The following CBR4 variants were observed in gnomAD, a reference collection of about 807,000 sequenced individuals.
CBR4 encodes carbonyl reductase 4.
In CBR4, 22 loss-of-function variants were observed where a neutral mutation model predicts 21.0. That is an observed-to-expected ratio of 1.05 (90% CI 0.75 to 1.50). The LOEUF (loss-of-function observed/expected upper bound fraction) is 1.50, where lower values mean the gene tolerates loss of function less well. Among genes scored for constraint, CBR4 ranks in the 40% most tolerant of loss-of-function variants. CBR4 has a pLI of 0.00. For missense variants in CBR4, 302 were observed against 286.3 expected, an observed-to-expected ratio of 1.05 and a Z score of -0.40; for synonymous variants, 100 against 104.4, an observed-to-expected ratio of 0.96 and a Z score of 0.26.
intron 2 of CBR4, among the ~76,000 whole-genome samples, chr4:168,974,981 T>C (rs946662384): frequency 6.6e-6 from 1 of 152,176 alleles, no homozygotes; most frequent in Non-Finnish European, 1.5e-5. Context: ...TTAAAGAATC[T>C]TGTTTTGTCA....
At chr4:168,964,401 C>T (rs1367398216) in intron 2 of CBR4, among the ~76,000 whole-genome samples, 3 of 152,138 alleles carry the variant, frequency 2.0e-5, no homozygotes, top group Non-Finnish European at 2.9e-5. Flanking sequence ...AAAATAAAGA[C>T]GACCTTCAAT....
rs144643092 is a variant in CBR4, at chr4:168,968,374, C to A, written n.169+33697G>T. 2.7e-3 allele frequency among the ~76,000 whole-genome samples: 406 copies of A among 152,284 alleles called. 2 individuals are homozygous for A. The highest frequency in any genetic ancestry group is 9.2e-3 in the African/African-American group (381 of 41,548). On this transcript the variant is annotated intron_variant and non_coding_transcript_variant, in intron 2 of 3. Coordinates refer to the CBR4 transcript ENST00000509108. The stretch of plus-strand genomic sequence containing the variant: ...CATGATGTTTCACTGAACGTCCAGG[C>A]AATCAAGGTCCCTTTGGACTATACT...
chr4:168,989,648 CT>C lies in CBR4; in HGVS notation c.*501del. The C allele has an allele frequency of 4.1e-6, 4 of 984,612 alleles. No individual in the cohort carries two copies. The highest frequency in any genetic ancestry group is 4.8e-6 in the Non-Finnish European group (4 of 829,200). 61.0% of individuals were successfully genotyped at this position (984,612 alleles called of 1,614,324 possible). A position where few individuals can be genotyped will look rare whatever the true frequency, so the allele number is the denominator to read the frequency against. ...CAAGGTTAACTTTTAGAAAATTCAG[CT>C]TGATACAAGAAAATAATTCATCATA... On this transcript the variant is annotated 3_prime_UTR_variant, in exon 5 of 5. Transcript: ENST00000306193.
At chr4:168,918,633 A>G (rs1197847234) in intron 2 of CBR4, among the ~76,000 whole-genome samples, 2 of 152,182 alleles carry the variant, frequency 1.3e-5, no homozygotes, top group Non-Finnish European at 2.9e-5. Context: ...ACTATAGTTA[A>G]TAACGATGTA....
At chr4:168,929,407 TTG>T (rs1762895465) in intron 2 of CBR4, among the ~76,000 whole-genome samples, 1 of 152,248 alleles carries the variant, frequency 6.6e-6, no homozygotes, top group African/African-American at 2.4e-5. Flanking sequence ...TAGACTAGAA[TTG>T]TGTATTTCAC....
intron 2 of CBR4, among the ~76,000 whole-genome samples, chr4:168,956,956 A>G (rs916758367): frequency 6.6e-6 from 1 of 152,242 alleles, no homozygotes; most frequent in Non-Finnish European, 1.5e-5. Context: ...GATGAGTAGT[A>G]TAAGACATCA....
In CBR4 at chr4:168,901,673, T is replaced by A. The variant is rs147592430; in HGVS notation, n.170-6908A>T. On this transcript the variant is annotated intron_variant and non_coding_transcript_variant, in intron 2 of 3. Coordinates refer to the CBR4 transcript ENST00000509108. ...AGGAGTTTAAGAACAGCCTGGCCAA[T>A]ATTGTGAAACCCCATCTCTACTAAA... Among the ~76,000 whole-genome samples the A allele has an allele frequency of 1.9e-4, 29 of 151,982 alleles. No individual in the cohort carries two copies. In the East Asian group the frequency reaches 5.6e-3, roughly 29 times the overall value.
At chr4:168,906,774 G>C (rs1487155301) in intron 2 of CBR4, among the ~76,000 whole-genome samples, 1 of 151,944 alleles carries the variant, frequency 6.6e-6, no homozygotes, top group African/African-American at 2.4e-5. Flanking sequence ...ACAAGCGTGA[G>C]CCACTGCCAT....
chr4:168,923,112 C>T (rs1388473675), intron 2 of CBR4, among the ~76,000 whole-genome samples: 1 of 152,196 alleles, frequency 6.6e-6, no homozygotes, highest in African/African-American at 2.4e-5. Flanking sequence ...GTTATTCTTA[C>T]TGATGAGTTG....
intron 2 of CBR4, chr4:168,898,691 G>T: frequency 6.2e-7 from 1 of 1,613,752 alleles, no homozygotes; most frequent in Non-Finnish European, 8.5e-7. Flanking sequence ...CACATGTAGA[G>T]TGGCTGGAAA....
chr4:168,952,347 T>C (rs1463861851), intron 2 of CBR4, among the ~76,000 whole-genome samples: 1 of 152,210 alleles, frequency 6.6e-6, no homozygotes, highest in East Asian at 1.9e-4. Flanking sequence ...TTTCCTTGCA[T>C]TGGGCTTCAC....
At position 168,963,732 on chromosome 4, in the gene CBR4, A is replaced by G. The variant is rs140857235; in HGVS notation, n.169+38339T>C. ...TGATCTGCCCACCTCAGCCTCCCAA[A>G]GTGGTGGGAGGCATGAGCCACCGCG... On this transcript the variant is annotated intron_variant and non_coding_transcript_variant, in intron 2 of 3. Transcript: ENST00000509108. Among the ~76,000 whole-genome samples the G allele has an allele frequency of 1.7e-3, 252 of 151,982 alleles. 2 individuals carry two copies. In the East Asian group the frequency reaches 0.036, roughly 22 times the overall value.
chr4:168,905,790 C>CTT (rs59427697), intron 2 of CBR4, among the ~76,000 whole-genome samples: 4 of 113,126 alleles, frequency 3.5e-5, no homozygotes, highest in Non-Finnish European at 3.5e-5. Flanking sequence ...GCTTTTTTTT[C>CTT]TTTTTTTTTT....
At chr4:169,003,805 G>A (rs1730662288) in intron 3 of CBR4, among the ~76,000 whole-genome samples, 1 of 152,186 alleles carries the variant, frequency 6.6e-6, no homozygotes, top group South Asian at 2.1e-4. Flanking sequence ...GTAGGGACAT[G>A]AATGAAATTG....
At chr4:168,965,556 T>C (rs551856906) in intron 2 of CBR4, among the ~76,000 whole-genome samples, 192 of 152,240 alleles carry the variant, frequency 1.3e-3, no homozygotes, top group Non-Finnish European at 2.2e-3. Flanking sequence ...AACAGATATA[T>C]AGACCAATGG....
At chr4:169,001,143 C>T (rs1020540814) in intron 4 of CBR4, 2 of 151,632 alleles carry the variant, frequency 1.3e-5, no homozygotes, top group Non-Finnish European at 2.9e-5. Flanking sequence ...CACCACCACA[C>T]CCAGCTAATT....
rs764007970 is a variant in CBR4 at position 169,006,796 on chromosome 4, C to T, written c.359G>A (p.Arg120Lys). 3.3e-5 allele frequency: 53 copies of T among 1,613,796 alleles called. No homozygotes were observed. The highest frequency in any genetic ancestry group is 4.2e-5 in the Non-Finnish European group (50 of 1,179,820). ...GSMLTCKAAM[R>K]TMIQQQGGSI... ...CCCTCCCTGTTGTTGAATCATAGTC[C>T]TCATGGCAGCTTTACAGGTCAGCAT... Residue 120 changes from arginine (R) to lysine (K), a missense_variant, in exon 3 of 5, where the codon AGG (arginine) becomes AAG (lysine). By Grantham distance (26) the Arg-to-Lys change is conservative. Transcript: ENST00000306193.
chr4:169,009,469 G>A (rs114553082), intron 1 of CBR4, among the ~76,000 whole-genome samples: 268 of 152,350 alleles, frequency 1.8e-3, no homozygotes, highest in African/African-American at 6.2e-3. Flanking sequence ...CAGGGCCAAG[G>A]CACGGCCCTT....
intron 2 of CBR4, among the ~76,000 whole-genome samples, chr4:168,971,438 T>A (rs1214099273): frequency 7.3e-5 from 4 of 55,136 alleles, no homozygotes; most frequent in Non-Finnish European, 9.3e-5. Flanking sequence ...CCCAGCTCAT[T>A]TTTTTTTTTT....
Sources: gnomAD v4.1 joint callset for allele counts (sites outside exome capture counted in the v4.1 genomes callset) on GRCh38, gnomAD v4.1.1 for gene constraint, MANE v1.5 for transcripts, NCBI Gene and HGNC (gene_info 2026-07-23, HGNC 2026-07-21) for gene names.